Variants in TNR observed in about 807,000 individuals in gnomAD.
The protein encoded by TNR is tenascin-R.
In TNR, 45 loss-of-function variants were observed where a neutral mutation model predicts 150.4. The ratio of observed to expected loss-of-function variants is 0.30; its 90% CI spans 0.24 to 0.38. TNR has a LOEUF of 0.38. Among genes scored for constraint, TNR ranks in the 10% least tolerant of loss-of-function variants. TNR has a pLI of 1.00. For synonymous variants in TNR, 687 were observed against 678.4 expected (o/e 1.01, Z -0.20); for missense variants, 1,544 against 1,759.1 (o/e 0.88, Z 2.19).
At chr1:175,505,767 A>T (rs946489316) in intron 2 of TNR, among the ~76,000 whole-genome samples, 1 of 152,254 alleles carries the variant, frequency 6.6e-6, no homozygotes, top group Non-Finnish European at 1.5e-5. Flanking sequence ...AAGGCCGGAC[A>T]TGGTGGCTCA....
intron 1 of TNR, among the ~76,000 whole-genome samples, chr1:175,591,665 A>C (rs536684204): frequency 6.6e-6 from 1 of 152,346 alleles, no homozygotes. Context: ...AAGTCAGCCA[A>C]TGTGGTTTTG....
chr1:175,589,777 C>T (rs967090407), intron 1 of TNR, among the ~76,000 whole-genome samples: 1 of 151,936 alleles, frequency 6.6e-6, no homozygotes, highest in African/African-American at 2.4e-5. Context: ...TGTTCTCACT[C>T]ATAAGCGGGA....
chr1:175,431,895 G>A (rs1481448718), intron 2 of TNR, among the ~76,000 whole-genome samples: 1 of 53,576 alleles, frequency 1.9e-5, no homozygotes, highest in Non-Finnish European at 3.3e-5. Context: ...CATTTCTCTT[G>A]TTTATGGACC....
In TNR at chr1:175,402,024, C is replaced by T. The variant is rs144523480; in HGVS notation, c.976+1116G>A. Among the ~76,000 whole-genome samples, 9 of 152,264 alleles carry T rather than the reference C, an allele frequency of 5.9e-5. No homozygotes were observed. The East Asian group carries it at 1.7e-3, about 29-fold the overall frequency. On this transcript the variant is annotated intron_variant, in intron 4 of 22. Coordinates refer to ENST00000367674, the MANE Select transcript of TNR (RefSeq NM_003285.3). The stretch of plus-strand genomic sequence containing the variant: ...ATCTGATTTGCATAAAAAAGGGAAT[C>T]AGGCCGGGCGCGGTGGCTCACGCCT...
At chr1:175,409,993 G>A (rs1050347131) in intron 2 of TNR, among the ~76,000 whole-genome samples, 3 of 152,202 alleles carry the variant, frequency 2.0e-5, no homozygotes, top group African/African-American at 7.2e-5. Flanking sequence ...GTGTCAGGAA[G>A]TGGTAACTGC....
At chr1:175,437,651 AG>A (rs1401553333) in intron 2 of TNR, among the ~76,000 whole-genome samples, 1 of 152,220 alleles carries the variant, frequency 6.6e-6, no homozygotes, top group Non-Finnish European at 1.5e-5. Flanking sequence ...AAAGAAGAAA[AG>A]AGAGAAGAAT....
chr1:175,491,286 G>C (rs1658235884), intron 2 of TNR, among the ~76,000 whole-genome samples: 1 of 152,174 alleles, frequency 6.6e-6, no homozygotes. Context: ...ATACCTAGGT[G>C]ATGGGATGAT....
At chr1:175,467,942 G>A (rs1657103704) in intron 2 of TNR, among the ~76,000 whole-genome samples, 1 of 152,228 alleles carries the variant, frequency 6.6e-6, no homozygotes, top group South Asian at 2.1e-4. Context: ...TGCCTTTAAA[G>A]TACTAACATA....
At chr1:175,539,847 A>C (rs1268697458) in intron 1 of TNR, among the ~76,000 whole-genome samples, 1 of 152,168 alleles carries the variant, frequency 6.6e-6, no homozygotes, top group Non-Finnish European at 1.5e-5. Flanking sequence ...TTTAAACCAA[A>C]TCATAAGTAG....
intron 1 of TNR, among the ~76,000 whole-genome samples, chr1:175,724,663 T>C (rs1008568031): frequency 2.6e-5 from 4 of 152,208 alleles, no homozygotes; most frequent in African/African-American, 9.7e-5. Context: ...TGTTTATGTT[T>C]TATGTACACT....
At chr1:175,537,762 C>T (rs779722168) in intron 1 of TNR, among the ~76,000 whole-genome samples, 22 of 152,132 alleles carry the variant, frequency 1.4e-4, no homozygotes, top group African/African-American at 2.9e-4. Context: ...GAGGATTCTC[C>T]GAGCAGATGG....
At chr1:175,451,545 G>C (rs945151846) in intron 2 of TNR, among the ~76,000 whole-genome samples, 1 of 151,512 alleles carries the variant, frequency 6.6e-6, no homozygotes, top group Non-Finnish European at 1.5e-5. Flanking sequence ...GGAAGCCTCA[G>C]TTACATCTCT....
At chr1:175,447,188 T>C in intron 2 of TNR, among the ~76,000 whole-genome samples, 1 of 150,242 alleles carries the variant, frequency 6.7e-6, no homozygotes, top group East Asian at 1.9e-4. Context: ...CTTCTGGAAG[T>C]AGGGGTGGTA....
chr1:175,351,786 A>G (rs1313272281), intron 18 of TNR, among the ~76,000 whole-genome samples: 1 of 152,200 alleles, frequency 6.6e-6, no homozygotes, highest in South Asian at 2.1e-4. Context: ...CCAAACACAG[A>G]CATATCTTTG....
At chr1:175,649,283 C>T (rs1232229594) in intron 1 of TNR, among the ~76,000 whole-genome samples, 1 of 152,220 alleles carries the variant, frequency 6.6e-6, no homozygotes, top group Non-Finnish European at 1.5e-5. Context: ...TCTTTCTCCA[C>T]CTTCAGATCG....
intron 2 of TNR, among the ~76,000 whole-genome samples, chr1:175,444,750 A>G (rs12735331): frequency 0.24 from 37,182 of 152,054 alleles, 5,652 homozygotes; most frequent in African/African-American, 0.42. Flanking sequence ...CTTGGAGAAA[A>G]CCAACAGGCT....
intron 1 of TNR, among the ~76,000 whole-genome samples, chr1:175,583,276 G>T (rs182794597): frequency 6.6e-6 from 1 of 152,174 alleles, no homozygotes; most frequent in Admixed American, 6.5e-5. Context: ...GGGAAGGAGA[G>T]CCCAGGTAGG....
At chr1:175,730,702 G>A (rs944346385) in intron 1 of TNR, among the ~76,000 whole-genome samples, 1 of 152,170 alleles carries the variant, frequency 6.6e-6, no homozygotes, top group South Asian at 2.1e-4. Flanking sequence ...GGACAATAAG[G>A]AAGAAATAAC....
chr1:175,548,606 C>T (rs958078196), intron 1 of TNR, among the ~76,000 whole-genome samples: 1 of 151,716 alleles, frequency 6.6e-6, no homozygotes, highest in Non-Finnish European at 1.5e-5. Flanking sequence ...CCCTCAGGGC[C>T]CCTCTTTCTG....
Sources: allele counts gnomAD v4.1 joint callset (sites outside exome capture counted in the v4.1 genomes callset), GRCh38; gene constraint gnomAD v4.1.1; transcripts MANE v1.5; gene names NCBI Gene and HGNC (gene_info 2026-07-23, HGNC 2026-07-21).